Variants in PRTG observed in about 807,000 individuals in gnomAD.
The protein encoded by PRTG is protogenin.
PRTG carries 67 observed loss-of-function variants against 122.5 expected under a neutral mutation model. The ratio of observed to expected loss-of-function variants is 0.55; its 90% CI spans 0.45 to 0.67. The LOEUF (loss-of-function observed/expected upper bound fraction) is 0.67. PRTG is among the 30% of genes least tolerant of loss of function. PRTG has a pLI of 0.00. For missense variants in PRTG, 1,435 were observed against 1,415.4 expected (o/e 1.01, Z -0.22); for synonymous variants, 554 against 501.1 (o/e 1.11, Z -1.41).
At chr15:55,706,582 CAAAAA>C (rs59227432) in intron 2 of PRTG, among the ~76,000 whole-genome samples, 3 of 99,250 alleles carry the variant, frequency 3.0e-5, no homozygotes, top group Non-Finnish European at 2.0e-5. Flanking sequence ...TTGTCTCTAC[CAAAAA>C]AAAAAAAAAA....
At chr15:55,633,885 G>C (rs1022127618) in intron 15 of PRTG, among the ~76,000 whole-genome samples, 1 of 152,048 alleles carries the variant, frequency 6.6e-6, no homozygotes, top group African/African-American at 2.4e-5. Flanking sequence ...CAACAACTAA[G>C]AGAATATTTT....
chr15:55,653,513 G>T (rs1391938618), intron 11 of PRTG, among the ~76,000 whole-genome samples: 1 of 151,566 alleles, frequency 6.6e-6, no homozygotes, highest in East Asian at 1.9e-4. Context: ...GCCCAGGCTG[G>T]AGTGCAATGG....
At chr15:55,731,918 T>C (rs2031247711) in intron 2 of PRTG, among the ~76,000 whole-genome samples, 1 of 152,154 alleles carries the variant, frequency 6.6e-6, no homozygotes, top group Admixed American at 6.5e-5. Context: ...CATGTGAACA[T>C]CATAGAGCAG....
In PRTG at chr15:55,641,070, G is replaced by A. The variant is rs534398129; in HGVS notation, c.2137+43C>T. On this transcript the variant is annotated intron_variant, in intron 12 of 19. Transcript: ENST00000389286. ...TTAAAGGAGGAGGAGGAGAAAGAAC[G>A]GTGTGAGCCATAGTAAAACAAACTG... 5.5e-5 allele frequency: 72 copies of A among 1,307,524 alleles called. 1 individual carries two copies. The highest frequency in any genetic ancestry group is 2.6e-4 in the African/African-American group (18 of 68,946). The allele number at this position is 1,307,524 out of a possible 1,614,324, so 81.0% of individuals were successfully genotyped here. A position where few individuals can be genotyped will look rare whatever the true frequency, so the allele number is the denominator to read the frequency against.
chr15:55,649,588 C>A, intron 11 of PRTG, among the ~76,000 whole-genome samples: 1 of 152,128 alleles, frequency 6.6e-6, no homozygotes, highest in South Asian at 2.1e-4. Context: ...AGTTAGAGAC[C>A]AGCCTAGCTA....
rs543645803 is a variant in PRTG at position 55,629,703 on chromosome 15, C to A, written c.2624-699G>T. Among the ~76,000 whole-genome samples, 15 of 151,918 alleles carry A rather than the reference C, an allele frequency of 9.9e-5. No individual in the cohort carries two copies. The South Asian group carries it at 3.1e-3, about 32-fold the overall frequency. On this transcript the variant is annotated intron_variant, in intron 15 of 19. Transcript: ENST00000389286. ...ATTTTTAAAAATCCAATGCAAGAAT[C>A]TTTTTTTAATTGGGAGTGTTTATGG...
At chr15:55,627,622 G>A (rs978214133) in intron 16 of PRTG, among the ~76,000 whole-genome samples, 4 of 151,586 alleles carry the variant, frequency 2.6e-5, no homozygotes, top group Admixed American at 1.3e-4. Context: ...TTACAGGCGT[G>A]AGCCACCACG....
intron 18 of PRTG, among the ~76,000 whole-genome samples, chr15:55,623,161 G>A (rs1204857573): frequency 6.6e-6 from 1 of 152,098 alleles, no homozygotes; most frequent in East Asian, 1.9e-4. Flanking sequence ...ACAGGGTTTG[G>A]CAAACTTTTT....
At chr15:55,645,202 G>A (rs570599097) in intron 11 of PRTG, among the ~76,000 whole-genome samples, 1 of 151,572 alleles carries the variant, frequency 6.6e-6, no homozygotes, top group East Asian at 2.0e-4. Context: ...TTGGGAGGCC[G>A]AGACGGGCGG....
intron 2 of PRTG, among the ~76,000 whole-genome samples, chr15:55,715,042 CAT>C (rs1357134843): frequency 6.6e-6 from 1 of 152,118 alleles, no homozygotes; most frequent in African/African-American, 2.4e-5. Flanking sequence ...AAATATTTTT[CAT>C]ACTCTCTAAA....
chr15:55,701,969 C>T (rs781416686), intron 2 of PRTG, among the ~76,000 whole-genome samples: 4 of 152,074 alleles, frequency 2.6e-5, no homozygotes, highest in East Asian at 1.9e-4. Flanking sequence ...CCTGAGAGAC[C>T]GTTTTGGGAT....
chr15:55,686,199 A>C (rs535832885), intron 2 of PRTG, among the ~76,000 whole-genome samples: 43 of 152,214 alleles, frequency 2.8e-4, no homozygotes, highest in Non-Finnish European at 5.4e-4. Flanking sequence ...TAGGACCTAC[A>C]TTTCCGTAAA....
intron 11 of PRTG, chr15:55,656,256 C>G (rs927535007): frequency 2.3e-6 from 1 of 442,738 alleles, no homozygotes; most frequent in African/African-American, 2.0e-5. Context: ...GTCTCCTGCT[C>G]TTTTCCTGTC....
chr15:55,665,674 T>C (rs2059435736), intron 11 of PRTG, among the ~76,000 whole-genome samples: 1 of 151,810 alleles, frequency 6.6e-6, no homozygotes, highest in African/African-American at 2.4e-5. Flanking sequence ...GCCTCCTGAG[T>C]AGCTAGGATT....
At chr15:55,725,439 C>A (rs146337796) in intron 2 of PRTG, among the ~76,000 whole-genome samples, 3 of 151,892 alleles carry the variant, frequency 2.0e-5, no homozygotes, top group East Asian at 3.9e-4. Flanking sequence ...ATAAAAAATA[C>A]GAAAAAATCA....
chr15:55,636,248 C>G (rs1332351745), intron 15 of PRTG, among the ~76,000 whole-genome samples: 1 of 152,028 alleles, frequency 6.6e-6, no homozygotes. Context: ...TTCTTAAGCC[C>G]TAATCAGCTT....
rs1347206798 is a variant in PRTG at position 55,680,591 on chromosome 15, T to C, written c.714A>G (p.Ile238Met). The change falls in exon 5 of 20, where the codon ATA becomes ATG. Residue 238 changes from isoleucine (I) to methionine (M), a missense_variant. Transcript: ENST00000389286. Reference sequence around the variant, plus strand: ...ATGTTGTTATGTTCTGTGGACCTGCTATAATTGTTGGTGTGTGGAAGGATT... The same window carrying C: ...ATGTTGTTATGTTCTGTGGACCTGCCATAATTGTTGGTGTGTGGAAGGATT... ...ESKSFHTPTI[I>M]AGPQNITTSL... is the part of the protein sequence containing the mutation. 5 of 1,576,448 alleles carry C rather than the reference T, an allele frequency of 3.2e-6. No homozygotes were observed. Among genetic ancestry groups the C allele is most frequent in the Non-Finnish European group, 4.3e-6 (5 of 1,159,376 alleles).
chr15:55,697,836 G>A (rs1166473816), intron 2 of PRTG, among the ~76,000 whole-genome samples: 1 of 152,060 alleles, frequency 6.6e-6, no homozygotes, highest in Non-Finnish European at 1.5e-5. Flanking sequence ...GTAAAGTAAG[G>A]GACTTAAAAG....
chr15:55,629,373 ATATGTGTGTGTGTGTGTGTGTGTGTGTG>A (rs1295051801), intron 15 of PRTG, among the ~76,000 whole-genome samples: 1,133 of 54,372 alleles, frequency 0.021, 11 homozygotes, highest in Non-Finnish European at 0.027. Context: ...ATATATATAT[ATATGTGTGTGTGTGTGTGTGTGTGTGTG>A]TGTGTGTGTG....
Sources: gnomAD v4.1 joint callset for allele counts (sites outside exome capture counted in the v4.1 genomes callset) on GRCh38, gnomAD v4.1.1 for gene constraint, MANE v1.5 for transcripts, NCBI Gene and HGNC (gene_info 2026-07-23, HGNC 2026-07-21) for gene names.